The following NBEA variants were observed in gnomAD, a reference collection of about 807,000 sequenced individuals.
NBEA encodes the protein lysosomal-trafficking regulator 2.
A neutral mutation model predicts 343.4 loss-of-function variants in NBEA; 44 were observed. The ratio of observed to expected loss-of-function variants is 0.13; its 90% CI spans 0.10 to 0.16. NBEA has a LOEUF of 0.16. NBEA is among the 10% of genes least tolerant of loss of function. The probability of loss-of-function intolerance (pLI) is 1.00; values close to 1 mark genes in which losing one functional copy is unlikely to be tolerated. For missense variants in NBEA, 2,555 were observed against 3,631.3 expected, an observed-to-expected ratio of 0.70 and a Z score of 7.62; for synonymous variants, 1,175 against 1,238.7, an observed-to-expected ratio of 0.95 and a Z score of 1.08.
intron 47 of NBEA, among the ~76,000 whole-genome samples, chr13:35,597,398 GAA>G (rs1453308267): frequency 6.6e-6 from 1 of 152,102 alleles, no homozygotes; most frequent in Non-Finnish European, 1.5e-5. Context: ...TCCTTAAAGA[GAA>G]GCTGATTAAC....
chr13:35,226,268 T>C (rs1230945893), intron 33 of NBEA, among the ~76,000 whole-genome samples: 1 of 152,076 alleles, frequency 6.6e-6, no homozygotes, highest in Admixed American at 6.6e-5. Context: ...TAATTGACCA[T>C]TGTTTGAATT....
intron 10 of NBEA, among the ~76,000 whole-genome samples, chr13:35,085,820 A>G (rs1311244705): frequency 1.3e-5 from 2 of 152,150 alleles, no homozygotes; most frequent in Non-Finnish European, 2.9e-5. Flanking sequence ...ACATGATTGT[A>G]TATCTAGAAA....
intron 13 of NBEA, among the ~76,000 whole-genome samples, chr13:35,117,036 C>A (rs2066529828): frequency 6.6e-6 from 1 of 151,484 alleles, no homozygotes; most frequent in African/African-American, 2.4e-5. Flanking sequence ...TGGAGAGAGT[C>A]CTTAAATGAA....
chr13:35,528,701 A>G lies in NBEA; in HGVS notation c.6586-21776A>G, dbSNP rs188112677. On this transcript the variant is annotated intron_variant, in intron 41 of 58. Coordinates refer to ENST00000379939, the MANE Select transcript of NBEA (RefSeq NM_001385012.1). Reference sequence around the variant, plus strand: ...GACAAAATTATACATTAAGGCTCAAAATCATTATACACTAGAAATACATAT... The same window carrying G: ...GACAAAATTATACATTAAGGCTCAAGATCATTATACACTAGAAATACATAT... Among the ~76,000 whole-genome samples, 890 of 152,316 alleles carry G rather than the reference A, an allele frequency of 5.8e-3. 9 individuals carry two copies. Among genetic ancestry groups the G allele is most frequent in the Non-Finnish European group, 7.1e-3 (486 of 68,018 alleles).
At chr13:35,232,395 C>T (rs2075026005) in intron 33 of NBEA, 97 bp from the exon 34 acceptor site, 3 of 829,888 alleles carry the variant, frequency 3.6e-6, no homozygotes, top group Non-Finnish European at 5.5e-6. Context: ...CTAGAAAGGA[C>T]ATTTATGATT....
At chr13:35,049,475 T>C (rs1162079477) in intron 5 of NBEA, among the ~76,000 whole-genome samples, 1 of 151,848 alleles carries the variant, frequency 6.6e-6, no homozygotes, top group Non-Finnish European at 1.5e-5. Context: ...TATTTAAAGC[T>C]CTTTGTATAA....
At chr13:35,305,479 C>T (rs561122431) in intron 35 of NBEA, among the ~76,000 whole-genome samples, 3 of 152,240 alleles carry the variant, frequency 2.0e-5, no homozygotes, top group Admixed American at 2.0e-4. Flanking sequence ...CATTCCCCTC[C>T]TCCAGTGAGA....
At chr13:35,643,143 A>G (rs893441206) in intron 49 of NBEA, among the ~76,000 whole-genome samples, 1 of 151,662 alleles carries the variant, frequency 6.6e-6, no homozygotes, top group African/African-American at 2.4e-5. Context: ...AAATTTCTAT[A>G]TGGTAGAAAA....
intron 38 of NBEA, among the ~76,000 whole-genome samples, chr13:35,365,210 C>A (rs1594363857): frequency 6.6e-6 from 1 of 151,384 alleles, no homozygotes; most frequent in South Asian, 2.1e-4. Flanking sequence ...TTGTAAAATG[C>A]CTAATACATA....
At chr13:35,087,192 AC>A (rs1315868750) in intron 10 of NBEA, among the ~76,000 whole-genome samples, 2 of 151,642 alleles carry the variant, frequency 1.3e-5, no homozygotes, top group African/African-American at 4.8e-5. Flanking sequence ...AGTTGTCTGT[AC>A]TTTTGAGGTC....
chr13:35,129,835 G>A (rs1387518927), intron 17 of NBEA, among the ~76,000 whole-genome samples: 2 of 151,700 alleles, frequency 1.3e-5, no homozygotes, highest in Admixed American at 1.3e-4. Flanking sequence ...AACCCAACAA[G>A]GACAAGGAGA....
intron 41 of NBEA, among the ~76,000 whole-genome samples, chr13:35,490,071 A>G (rs925584121): frequency 1.1e-4 from 16 of 151,826 alleles, no homozygotes; most frequent in African/African-American, 3.4e-4. Flanking sequence ...AACTGTTTCA[A>G]TGAGTGGCAC....
chr13:35,126,350 G>A (rs1193288063), intron 17 of NBEA, among the ~76,000 whole-genome samples: 6 of 151,866 alleles, frequency 4.0e-5, no homozygotes, highest in Non-Finnish European at 7.4e-5. Context: ...GCCAATCTTG[G>A]GTATTTCTTC....
At chr13:35,571,242 C>A (rs2080399515) in intron 45 of NBEA, among the ~76,000 whole-genome samples, 1 of 152,016 alleles carries the variant, frequency 6.6e-6, no homozygotes, top group Non-Finnish European at 1.5e-5. Context: ...TATTTTCTTT[C>A]TTTATACCAC....
intron 10 of NBEA, among the ~76,000 whole-genome samples, chr13:35,090,602 G>T (rs2065032857): frequency 6.6e-6 from 1 of 151,858 alleles, no homozygotes; most frequent in Admixed American, 6.6e-5. Flanking sequence ...GATGCTATAT[G>T]CCAATATCTG....
chr13:35,410,610 A>G (rs558295113), intron 38 of NBEA, among the ~76,000 whole-genome samples: 34 of 152,304 alleles, frequency 2.2e-4, no homozygotes, highest in African/African-American at 7.9e-4. Flanking sequence ...CATAAATACC[A>G]TCAAGTTCAG....
chr13:35,659,915 C>T (rs1163800447), intron 55 of NBEA, among the ~76,000 whole-genome samples: 1 of 152,140 alleles, frequency 6.6e-6, no homozygotes. Context: ...TTAATTTGCG[C>T]ACTTTAATTG....
intron 36 of NBEA, among the ~76,000 whole-genome samples, chr13:35,335,399 T>A (rs1428159194): frequency 6.6e-6 from 1 of 152,160 alleles, no homozygotes; most frequent in Non-Finnish European, 1.5e-5. Context: ...GGTATTTTGA[T>A]GGGGACTGCA....
intron 1 of NBEA, among the ~76,000 whole-genome samples, chr13:35,003,265 C>G (rs543128900): frequency 6.6e-6 from 1 of 152,144 alleles, no homozygotes; most frequent in South Asian, 2.1e-4. Flanking sequence ...CCTGTAGGCC[C>G]AGCTACTTCA....
Sources: gnomAD v4.1 joint callset for allele counts (sites outside exome capture counted in the v4.1 genomes callset) on GRCh38, gnomAD v4.1.1 for gene constraint, MANE v1.5 for transcripts, NCBI Gene and HGNC (gene_info 2026-07-23, HGNC 2026-07-21) for gene names.